RYR2: variants seen among roughly 807,000 people sequenced by gnomAD.
RYR2 encodes the protein cardiac muscle ryanodine receptor-calcium release channel.
Under a neutral mutation model 601.1 loss-of-function variants are expected in RYR2, and 227 were observed. The ratio of observed to expected loss-of-function variants is 0.38; its 90% confidence interval spans 0.34 to 0.42. RYR2 has a LOEUF of 0.42. Among genes scored for constraint, RYR2 ranks in the 10% least tolerant of loss-of-function variants. The pLI is 1.00. For missense variants in RYR2, 4,646 were observed against 6,156.5 expected (o/e 0.75, Z 8.21); for synonymous variants, 2,223 against 2,175.1 (o/e 1.02, Z -0.61).
At chr1:237,654,485 G>C (rs747146904) in intron 52 of RYR2, 71 bp downstream of exon 52, 93 of 1,451,622 alleles carry the variant, frequency 6.4e-5, no homozygotes, top group Non-Finnish European at 8.7e-5. Context: ...TAGTAAGATA[G>C]TATTCCTAGT....
chr1:237,576,768 G>A (rs1673266078), intron 29 of RYR2, among the ~76,000 whole-genome samples: 2 of 152,010 alleles, frequency 1.3e-5, no homozygotes, highest in South Asian at 4.2e-4. Flanking sequence ...TTAGTGCTAA[G>A]AAAATATAAT....
At chr1:237,352,824 A>G (rs1698972208) in intron 3 of RYR2, 1 of 510,106 alleles carries the variant, frequency 2.0e-6, no homozygotes, top group Non-Finnish European at 3.9e-6. Context: ...CTAATGGGGA[A>G]AAGATTTATT....
chr1:237,302,383 C>A (rs1020504380), intron 2 of RYR2, among the ~76,000 whole-genome samples: 2 of 152,068 alleles, frequency 1.3e-5, no homozygotes, highest in Non-Finnish European at 2.9e-5. Flanking sequence ...TAGGGATATA[C>A]CCTTTGAACT....
At chr1:237,799,561 T>G (rs1424942883) in intron 97 of RYR2, among the ~76,000 whole-genome samples, 1 of 152,200 alleles carries the variant, frequency 6.6e-6, no homozygotes, top group African/African-American at 2.4e-5. Context: ...TCATATGGCA[T>G]TTAACACCTT....
intron 20 of RYR2, among the ~76,000 whole-genome samples, chr1:237,499,113 C>T (rs1450195395): frequency 6.6e-6 from 1 of 151,978 alleles, no homozygotes; most frequent in African/African-American, 2.4e-5. Context: ...TATCAAATAT[C>T]AGTGATTTCC....
At chr1:237,384,016 T>C (rs1308487259) in intron 8 of RYR2, among the ~76,000 whole-genome samples, 3 of 152,222 alleles carry the variant, frequency 2.0e-5, no homozygotes, top group African/African-American at 7.2e-5. Flanking sequence ...TGTTGCTTTC[T>C]GAATATTGCA....
chr1:237,782,526 CT>C (rs1695207763), intron 89 of RYR2, among the ~76,000 whole-genome samples: 1 of 152,172 alleles, frequency 6.6e-6, no homozygotes, highest in Non-Finnish European at 1.5e-5. Context: ...ACGCCTCGTG[CT>C]AGGACTTTGA....
At position 237,617,281 on chromosome 1, in the gene RYR2, C is replaced by G. The variant is rs1180981385; in HGVS notation, c.5716-5C>G. On this transcript the variant is annotated splice_polypyrimidine_tract_variant and splice_region_variant and intron_variant, in intron 37 of 104. Coordinates refer to ENST00000366574, the MANE Select transcript of RYR2 (RefSeq NM_001035.3). ...AAATTTGGTGTCTTTTTAATGGTCT[C>G]TTAGATGTGCCTACTGCTTCAGTAC... 8 of 1,608,252 alleles carry G rather than the reference C, an allele frequency of 5.0e-6. No individual in the cohort carries two copies. The highest frequency in any genetic ancestry group is 2.7e-5 in the African/African-American group (2 of 74,780).
At chr1:237,099,501 G>T (rs928612752) in intron 1 of RYR2, among the ~76,000 whole-genome samples, 2 of 152,152 alleles carry the variant, frequency 1.3e-5, no homozygotes, top group Non-Finnish European at 2.9e-5. Context: ...GCCTCCCGAA[G>T]TGCTGGGTTT....
At chr1:237,047,974 C>T (rs1322379853) in intron 1 of RYR2, among the ~76,000 whole-genome samples, 1 of 152,218 alleles carries the variant, frequency 6.6e-6, no homozygotes, top group African/African-American at 2.4e-5. Flanking sequence ...CCCAAAGCGA[C>T]TCTTTTTTGT....
intron 1 of RYR2, among the ~76,000 whole-genome samples, chr1:237,085,700 G>A (rs563498474): frequency 3.9e-5 from 6 of 152,310 alleles, no homozygotes; most frequent in Admixed American, 1.3e-4. Flanking sequence ...GGAACTTGAG[G>A]GGGAGAAGAG....
chr1:237,165,028 C>A (rs1315948049), intron 1 of RYR2, among the ~76,000 whole-genome samples: 2 of 150,618 alleles, frequency 1.3e-5, no homozygotes, highest in African/African-American at 4.9e-5. Flanking sequence ...GGCAGGAGTG[C>A]AGTGGTATGC....
chr1:237,147,177 T>C (rs75642694), intron 1 of RYR2, among the ~76,000 whole-genome samples: 9,349 of 152,284 alleles, frequency 0.061, 595 homozygotes, highest in African/African-American at 0.16. Flanking sequence ...CTATGCTGAA[T>C]TGCATATTTA....
intron 3 of RYR2, among the ~76,000 whole-genome samples, chr1:237,352,274 T>C (rs1558668972): frequency 6.6e-6 from 1 of 151,906 alleles, no homozygotes; most frequent in Non-Finnish European, 1.5e-5. Context: ...CTATAAAAAT[T>C]CAGTTATATC....
At chr1:237,087,676 A>C (rs1019680570) in intron 1 of RYR2, among the ~76,000 whole-genome samples, 2 of 152,010 alleles carry the variant, frequency 1.3e-5, no homozygotes, top group African/African-American at 4.8e-5. Flanking sequence ...GGATCTCACC[A>C]CATTCTCGAA....
chr1:237,590,596 A>G (rs1298685334), intron 30 of RYR2, 44 bp from the exon 31 acceptor site: 2 of 1,444,844 alleles, frequency 1.4e-6, no homozygotes, highest in Non-Finnish European at 1.8e-6. Flanking sequence ...CAGGAAATTG[A>G]CAATGGTGAT....
rs1208196761 is a variant in RYR2, at chr1:237,780,624, G to GTCTT, written c.11881-939_11881-936dup. On this transcript the variant is annotated intron_variant, in intron 88 of 104. Transcript: ENST00000366574. The stretch of plus-strand genomic sequence containing the variant: ...GCGTAGTGATGTTTAGACACAATAT[G>GTCTT]TCTTTGAAAAAGAATGTTTCTTTAT... 3.9e-5 allele frequency among the ~76,000 whole-genome samples: 6 copies of GTCTT among 152,230 alleles called. No individual in the cohort carries two copies. In the South Asian group the frequency reaches 1.0e-3, roughly 26 times the overall value.
chr1:237,638,264 C>A, intron 44 of RYR2, 93 bp from the exon 45 acceptor site: 1 of 1,537,880 alleles, frequency 6.5e-7, no homozygotes, highest in Non-Finnish European at 8.8e-7. Flanking sequence ...TGTTTAAAAG[C>A]ATCCTTTAAG....
At chr1:237,557,192 G>C (rs536879496) in intron 27 of RYR2, among the ~76,000 whole-genome samples, 2 of 152,170 alleles carry the variant, frequency 1.3e-5, no homozygotes. Flanking sequence ...AGAGATGCTC[G>C]AGTGCCTTCA....
Sources: gnomAD v4.1 joint callset for allele counts (sites outside exome capture counted in the v4.1 genomes callset) on GRCh38, gnomAD v4.1.1 for gene constraint, MANE v1.5 for transcripts, NCBI Gene and HGNC (gene_info 2026-07-23, HGNC 2026-07-21) for gene names.